Variants in ITIH6 observed in about 807,000 individuals in gnomAD.
ITIH6 encodes the protein inter-alpha-trypsin inhibitor heavy chain H6.
ITIH6 carries 60 observed loss-of-function variants against 58.2 expected under a neutral mutation model. The observed-to-expected ratio is 1.03, with a 90% CI of 0.84 to 1.28. The LOEUF is 1.28. Ranked by LOEUF, ITIH6 falls within the 50% of genes most tolerant of loss-of-function variation. The pLI is 0.00. For missense variants in ITIH6, 1,290 were observed against 1,021.1 expected, an observed-to-expected ratio of 1.26 and a Z score of -3.59; for synonymous variants, 493 against 417.4, an observed-to-expected ratio of 1.18 and a Z score of -2.21.
chrX:54,767,183 G>T (rs1928810780), intron 6 of ITIH6, among the ~76,000 whole-genome samples: 1 of 106,321 alleles, frequency 9.4e-6, no homozygotes, highest in Non-Finnish European at 1.9e-5. Context: ...GCGTAGAGGT[G>T]TTTGTAGTAT....
chrX:54,768,716 T>C (rs1928864917), intron 6 of ITIH6, among the ~76,000 whole-genome samples: 1 of 104,183 alleles, frequency 9.6e-6, no homozygotes, highest in Non-Finnish European at 1.9e-5. Flanking sequence ...CCCCACTCTC[T>C]TCTGGCTTGT....
chrX:54,792,129 A>C (rs1929362069), intron 2 of ITIH6, 93 bp from the exon 3 acceptor site: 3 of 590,587 alleles, frequency 5.1e-6, no homozygotes, highest in South Asian at 5.8e-5. Flanking sequence ...TAGAAAGAGG[A>C]GGGTAGAGAT....
intron 6 of ITIH6, among the ~76,000 whole-genome samples, chrX:54,770,002 C>A (rs1190858879): frequency 1.8e-5 from 2 of 110,931 alleles, no homozygotes; most frequent in African/African-American, 6.5e-5. Context: ...GCAGTTTGAT[C>A]TCAGACTGCT....
intron 8 of ITIH6, 143 bp from the exon 9 acceptor site, chrX:54,755,252 C>G: frequency 2.2e-6 from 1 of 461,359 alleles, no homozygotes; most frequent in Non-Finnish European, 3.8e-6. Context: ...TCCACAGCCT[C>G]TTAATCTCTC....
chrX:54,750,614 C>G (rs1414997327), intron 12 of ITIH6, among the ~76,000 whole-genome samples: 3 of 111,392 alleles, frequency 2.7e-5, no homozygotes, highest in Admixed American at 1.9e-4. Context: ...AGGATAAAGC[C>G]CAATTCCTCA....
chrX:54,781,921 G>T (rs1602064345), intron 5 of ITIH6, among the ~76,000 whole-genome samples: 2 of 111,968 alleles, frequency 1.8e-5, no homozygotes, highest in East Asian at 5.6e-4. Context: ...ATGAGATTAT[G>T]TTTTTAACAG....
chrX:54,762,638 G>A (rs1329728343), intron 6 of ITIH6, among the ~76,000 whole-genome samples: 1 of 111,674 alleles, frequency 9.0e-6, no homozygotes, highest in East Asian at 2.8e-4. Flanking sequence ...TCTTCCTTAA[G>A]TTGCCAACCC....
chrX:54,763,133 A>G (rs1243171869), intron 6 of ITIH6, among the ~76,000 whole-genome samples: 1 of 112,016 alleles, frequency 8.9e-6, no homozygotes, highest in Non-Finnish European at 1.9e-5. Context: ...TTATATAGAT[A>G]TGGATTTCAG....
intron 2 of ITIH6, among the ~76,000 whole-genome samples, chrX:54,793,867 A>G (rs1410154269): frequency 3.6e-5 from 4 of 111,428 alleles, no homozygotes; most frequent in African/African-American, 1.3e-4. Context: ...TGGAGAATGG[A>G]GAGTCTTGGA....
intron 6 of ITIH6, among the ~76,000 whole-genome samples, chrX:54,762,212 A>G (rs978440776): frequency 9.0e-6 from 1 of 111,305 alleles, no homozygotes; most frequent in Non-Finnish European, 1.9e-5. Context: ...TGTGACTGGG[A>G]GTTCACTCAT....
At chrX:54,767,368 GT>G (rs773921538) in intron 6 of ITIH6, among the ~76,000 whole-genome samples, 1 of 107,697 alleles carries the variant, frequency 9.3e-6, no homozygotes, top group Non-Finnish European at 1.9e-5. Context: ...TTTTTGAAGG[GT>G]TTTTTTGTGT....
rs1213641838 is a variant in ITIH6 at position 54,767,970 on chromosome X, T to A, written c.903+6111A>T. ...TTGTTGACTTTCTGTCTCATTGATC[T>A]GTCTAATGTTGACAGTGGGGTGTTA... On this transcript the variant is annotated intron_variant, in intron 6 of 12. Coordinates refer to ENST00000218436, the MANE Select transcript of ITIH6 (RefSeq NM_198510.3). Among the ~76,000 whole-genome samples the A allele has an allele frequency of 4.0e-3, 396 of 98,776 alleles. 2 individuals are homozygous for A. Among genetic ancestry groups the A allele is most frequent in the Non-Finnish European group, 6.4e-3 (328 of 51,381 alleles). 85.8% of individuals were successfully genotyped at this position (98,776 alleles called of 115,157 possible). A position where few individuals can be genotyped will look rare whatever the true frequency, so the allele number is the denominator to read the frequency against.
intron 6 of ITIH6, 31 bp from the exon 7 acceptor site, chrX:54,759,958 GGACAA>G (rs776382360): frequency 1.1e-5 from 13 of 1,137,899 alleles, no homozygotes; most frequent in African/African-American, 7.2e-5. Context: ...GAAGAGAATG[GGACAA>G]GACTTGAGGT....
At chrX:54,772,552 G>A (rs919054837) in intron 6 of ITIH6, among the ~76,000 whole-genome samples, 4 of 112,179 alleles carry the variant, frequency 3.6e-5, no homozygotes, top group African/African-American at 3.2e-5. Flanking sequence ...TGATAATTTC[G>A]ACATATCTGA....
At chrX:54,773,969 A>AG in intron 6 of ITIH6, 112 bp downstream of exon 6, 3 of 425,559 alleles carry the variant, frequency 7.0e-6, no homozygotes, top group Non-Finnish European at 1.2e-5. Flanking sequence ...GTAAGACTCA[A>AG]GGGTCATGGG....
intron 4 of ITIH6, 30 bp downstream of exon 4, chrX:54,790,807 G>T (rs1420960185): frequency 3.3e-6 from 4 of 1,208,866 alleles, no homozygotes; most frequent in Non-Finnish European, 4.5e-6. Flanking sequence ...AGGCCAGTCT[G>T]ATGGGTGACC....
At chrX:54,750,738 A>T (rs1042506642) in intron 12 of ITIH6, among the ~76,000 whole-genome samples, 1 of 111,320 alleles carries the variant, frequency 9.0e-6, no homozygotes, top group African/African-American at 3.3e-5. Context: ...CTCCTCCAGG[A>T]AGTCCTTCTT....
chrX:54,766,971 T>G (rs1322927563), intron 6 of ITIH6, among the ~76,000 whole-genome samples: 81 of 109,458 alleles, frequency 7.4e-4, no homozygotes, highest in Non-Finnish European at 1.2e-3. Flanking sequence ...ATGGTACCAG[T>G]TCCTCCTTGT....
In ITIH6 at chrX:54,777,932, G is replaced by A. The variant is rs1248225636; in HGVS notation, c.787-3735C>T. Among the ~76,000 whole-genome samples, 3 of 111,866 alleles carry A rather than the reference G, an allele frequency of 2.7e-5. No individual in the cohort carries two copies. The East Asian group carries it at 8.5e-4, about 32-fold the overall frequency. On this transcript the variant is annotated intron_variant, in intron 5 of 12. Coordinates refer to ENST00000218436, the MANE Select transcript of ITIH6 (RefSeq NM_198510.3). The stretch of plus-strand genomic sequence containing the variant: ...ATCTAAAAGTATCATGACAATCCAG[G>A]AAAATATATGACATTACCAAATAAA...
Sources: allele counts gnomAD v4.1 joint callset (sites outside exome capture counted in the v4.1 genomes callset), GRCh38; gene constraint gnomAD v4.1.1; transcripts MANE v1.5; gene names NCBI Gene and HGNC (gene_info 2026-07-23, HGNC 2026-07-21).